The following SPIRE1 variants were observed in gnomAD, a reference collection of about 807,000 sequenced individuals.
SPIRE1 encodes the protein spire type actin nucleation factor 1.
Under a neutral mutation model 94.1 loss-of-function variants are expected in SPIRE1, and 40 were observed. The ratio of observed to expected loss-of-function variants is 0.43; its 90% confidence interval spans 0.33 to 0.55. The LOEUF is 0.55. Among genes scored for constraint, SPIRE1 ranks in the 20% least tolerant of loss-of-function variants. The pLI is 0.06. For synonymous variants in SPIRE1, 376 were observed against 371.7 expected (o/e 1.01, Z -0.13); for missense variants, 838 against 975.2 (o/e 0.86, Z 1.87).
chr18:12,631,575 A>AAAAAC (rs2037782076), intron 2 of SPIRE1, among the ~76,000 whole-genome samples: 2 of 139,174 alleles, frequency 1.4e-5, no homozygotes, highest in Non-Finnish European at 3.2e-5. Context: ...AAAAAAAAAA[A>AAAAAC]CATAAAAATA....
chr18:12,604,582 C>T (rs950662885), intron 2 of SPIRE1, among the ~76,000 whole-genome samples: 7 of 152,126 alleles, frequency 4.6e-5, no homozygotes, highest in South Asian at 4.1e-4. Flanking sequence ...TGATGGCCTC[C>T]GGAGTTTGCC....
At chr18:12,619,463 G>C (rs148487217) in intron 2 of SPIRE1, among the ~76,000 whole-genome samples, 1 of 151,996 alleles carries the variant, frequency 6.6e-6, no homozygotes, top group African/African-American at 2.4e-5. Flanking sequence ...AGCTGAGATC[G>C]TGCCACTGAA....
intron 2 of SPIRE1, among the ~76,000 whole-genome samples, chr18:12,558,559 T>G (rs1408903011): frequency 6.6e-6 from 1 of 152,232 alleles, no homozygotes; most frequent in Non-Finnish European, 1.5e-5. Context: ...TGGTCCATTT[T>G]ACAGAGAGCT....
At chr18:12,527,932 G>A (rs2034571768) in intron 4 of SPIRE1, among the ~76,000 whole-genome samples, 1 of 152,056 alleles carries the variant, frequency 6.6e-6, no homozygotes, top group Non-Finnish European at 1.5e-5. Context: ...CGGGCGTGGT[G>A]GCGGGTGCCT....
intron 2 of SPIRE1, among the ~76,000 whole-genome samples, chr18:12,589,360 G>A (rs1487058757): frequency 6.6e-6 from 1 of 152,132 alleles, no homozygotes; most frequent in African/African-American, 2.4e-5. Context: ...GCAAGTGAAG[G>A]AGGAGACCTG....
At chr18:12,547,447 G>A (rs535950653) in intron 2 of SPIRE1, among the ~76,000 whole-genome samples, 2 of 152,040 alleles carry the variant, frequency 1.3e-5, no homozygotes, top group Admixed American at 1.3e-4. Context: ...CAATATTACT[G>A]CCGGGCAAAT....
intron 2 of SPIRE1, among the ~76,000 whole-genome samples, chr18:12,589,220 A>G (rs1180833502): frequency 2.0e-5 from 3 of 152,216 alleles, no homozygotes; most frequent in Non-Finnish European, 4.4e-5. Flanking sequence ...GATTAAGTAA[A>G]GTAACTAGAG....
At chr18:12,507,200 C>T (rs776414626) in intron 5 of SPIRE1, among the ~76,000 whole-genome samples, 17 of 152,174 alleles carry the variant, frequency 1.1e-4, no homozygotes, top group Non-Finnish European at 1.9e-4. Context: ...AGTGCTTTTG[C>T]TTTATGCGGC....
At chr18:12,514,808 C>G (rs929904994) in intron 4 of SPIRE1, among the ~76,000 whole-genome samples, 13 of 151,678 alleles carry the variant, frequency 8.6e-5, no homozygotes, top group South Asian at 2.1e-4. Context: ...TCTCATTCAG[C>G]CAATAGGTGG....
intron 4 of SPIRE1, among the ~76,000 whole-genome samples, chr18:12,526,092 C>CACACACACAGAG (rs765621602): frequency 6.7e-6 from 1 of 148,974 alleles, no homozygotes; most frequent in Non-Finnish European, 1.5e-5. Context: ...CACACACACA[C>CACACACACAGAG]AGAGATGTAT....
intron 1 of SPIRE1, chr18:12,656,630 C>T (rs1440371914): frequency 2.4e-6 from 2 of 825,834 alleles, no homozygotes; most frequent in African/African-American, 3.7e-5. Context: ...GATTGTTTTT[C>T]TATGTTTTTA....
At chr18:12,597,544 G>A (rs2036712499) in intron 2 of SPIRE1, among the ~76,000 whole-genome samples, 1 of 152,108 alleles carries the variant, frequency 6.6e-6, no homozygotes, top group South Asian at 2.1e-4. Flanking sequence ...TTTAACATTT[G>A]CCAATGAATG....
chr18:12,462,683 C>T (rs1177742570), intron 12 of SPIRE1, among the ~76,000 whole-genome samples: 1 of 152,140 alleles, frequency 6.6e-6, no homozygotes, highest in Admixed American at 6.5e-5. Context: ...TCAAAATTCT[C>T]CCTCGCTTGT....
chr18:12,468,152 G>A (rs2032199430), intron 10 of SPIRE1, among the ~76,000 whole-genome samples: 1 of 152,008 alleles, frequency 6.6e-6, no homozygotes, highest in South Asian at 2.1e-4. Context: ...TAAGCAAATA[G>A]GTCAGAATGA....
At chr18:12,501,063 ACT>A (rs1259293988) in intron 6 of SPIRE1, among the ~76,000 whole-genome samples, 1 of 139,462 alleles carries the variant, frequency 7.2e-6, no homozygotes, top group Non-Finnish European at 1.5e-5. Flanking sequence ...CAACAGTGAA[ACT>A]CTGTCTCAAA....
Position 12,447,623 on chromosome 18 carries a change from T to C in SPIRE1, c.*2015A>G, listed in dbSNP as rs2031004704. 6.6e-6 allele frequency: 1 copy of C among 152,214 alleles called. No homozygotes were observed. The highest frequency in any genetic ancestry group is 1.5e-5 in the Non-Finnish European group (1 of 68,040). The allele number at this position is 152,214 out of a possible 1,614,324, so 9.4% of individuals were successfully genotyped here. On this transcript the variant is annotated 3_prime_UTR_variant, in exon 17 of 17. Transcript: ENST00000409402. ...TCCGTTAATGCTGTTGAAGAATGTA[T>C]GTTCTGTGCTGTGGTAAGAGGTGAT...
At chr18:12,453,231 G>A in intron 13 of SPIRE1, 93 bp from the exon 14 acceptor site, 1 of 789,426 alleles carries the variant, frequency 1.3e-6, no homozygotes, top group South Asian at 1.8e-5. Context: ...TATATATAGG[G>A]GAAGCTGAAC....
intron 2 of SPIRE1, among the ~76,000 whole-genome samples, chr18:12,619,532 TA>T (rs1337521003): frequency 6.8e-6 from 1 of 146,942 alleles, no homozygotes; most frequent in Non-Finnish European, 1.5e-5. Flanking sequence ...AATAAACAAA[TA>T]AAAATAAAAA....
At chr18:12,479,612 A>G in intron 10 of SPIRE1, 87 bp downstream of exon 10, 1 of 1,265,832 alleles carries the variant, frequency 7.9e-7, no homozygotes, top group Admixed American at 2.5e-5. Flanking sequence ...ATTAAGCAAC[A>G]ACTGAAGCAA....
Sources: gnomAD v4.1 joint callset for allele counts (sites outside exome capture counted in the v4.1 genomes callset) on GRCh38, gnomAD v4.1.1 for gene constraint, MANE v1.5 for transcripts, NCBI Gene and HGNC (gene_info 2026-07-23, HGNC 2026-07-21) for gene names.